ZBTB20: variants seen among roughly 807,000 people sequenced by gnomAD.
ZBTB20 encodes zinc finger and BTB domain-containing protein 20.
In ZBTB20, 9 loss-of-function variants were observed where a neutral mutation model predicts 56.9. That is an observed-to-expected ratio of 0.16 (90% confidence interval 0.10 to 0.28). The LOEUF (loss-of-function observed/expected upper bound fraction) is 0.28, where lower values mean the gene tolerates loss of function less well. Ranked by LOEUF, ZBTB20 falls within the 10% of genes least tolerant of loss-of-function variation. ZBTB20 has a pLI of 1.00. For missense variants in ZBTB20, 655 were observed against 1,003.0 expected, an observed-to-expected ratio of 0.65 and a Z score of 4.69; for synonymous variants, 417 against 420.7, an observed-to-expected ratio of 0.99 and a Z score of 0.11.
intron 6 of ZBTB20, among the ~76,000 whole-genome samples, chr3:114,632,353 A>G (rs1298360230): frequency 6.6e-6 from 1 of 152,154 alleles, no homozygotes; most frequent in African/African-American, 2.4e-5. Flanking sequence ...ACACACATGC[A>G]CACCCCCCTC....
chr3:114,789,358 T>C (rs1380296226), intron 5 of ZBTB20, among the ~76,000 whole-genome samples: 1 of 152,202 alleles, frequency 6.6e-6, no homozygotes, highest in East Asian at 1.9e-4. Context: ...TTGACTTCAC[T>C]GAATTGAAAA....
intron 6 of ZBTB20, among the ~76,000 whole-genome samples, chr3:114,568,351 G>A (rs1284193716): frequency 6.6e-6 from 1 of 152,180 alleles, no homozygotes; most frequent in Non-Finnish European, 1.5e-5. Context: ...CTAAAACCAT[G>A]TGTCTAAAAG....
At chr3:114,658,856 T>G (rs547277850) in intron 6 of ZBTB20, 21 of 152,288 alleles carry the variant, frequency 1.4e-4, no homozygotes, top group African/African-American at 5.1e-4. Flanking sequence ...CCAGACCAAT[T>G]ATCCTGGCAA....
At chr3:114,572,138 T>C (rs1161821151) in intron 6 of ZBTB20, among the ~76,000 whole-genome samples, 1 of 152,200 alleles carries the variant, frequency 6.6e-6, no homozygotes, top group Non-Finnish European at 1.5e-5. Context: ...AGAGACTTAG[T>C]AACTTGTTCT....
At chr3:114,562,010 T>C (rs939930300) in intron 6 of ZBTB20, among the ~76,000 whole-genome samples, 7 of 152,166 alleles carry the variant, frequency 4.6e-5, no homozygotes, top group African/African-American at 1.7e-4. Flanking sequence ...CTTTGCACTT[T>C]TATATTATAG....
At chr3:114,766,744 G>A (rs563085641) in intron 5 of ZBTB20, among the ~76,000 whole-genome samples, 18 of 152,096 alleles carry the variant, frequency 1.2e-4, no homozygotes, top group East Asian at 7.7e-4. Flanking sequence ...TTTAATCTGG[G>A]AGAAGAAAGA....
At chr3:114,502,897 T>G (rs987016956) in intron 6 of ZBTB20, 2 of 152,090 alleles carry the variant, frequency 1.3e-5, no homozygotes, top group African/African-American at 4.8e-5. Flanking sequence ...TATTAGCAAT[T>G]TTCTATGAAA....
chr3:115,094,188 T>C (rs2083297563), intron 1 of ZBTB20, among the ~76,000 whole-genome samples: 1 of 152,038 alleles, frequency 6.6e-6, no homozygotes, highest in South Asian at 2.1e-4. Flanking sequence ...AAAAGTAAGT[T>C]ATTTTTGCCT....
intron 5 of ZBTB20, among the ~76,000 whole-genome samples, chr3:114,748,372 C>CTCTCTCTCTCTCTCTCTCTCTT (rs2067281219): frequency 6.9e-6 from 1 of 145,590 alleles, no homozygotes; most frequent in Admixed American, 6.9e-5. Context: ...CTCTCTCTCT[C>CTCTCTCTCTCTCTCTCTCTCTT]TCTCTCTTTC....
chr3:114,660,346 C>T (rs17681207), intron 6 of ZBTB20, among the ~76,000 whole-genome samples: 5,784 of 152,214 alleles, frequency 0.038, 159 homozygotes, highest in Admixed American at 0.098. Flanking sequence ...TGGGTCACGT[C>T]AGGTCGAATG....
intron 4 of ZBTB20, among the ~76,000 whole-genome samples, chr3:114,870,515 A>G (rs1445862240): frequency 1.3e-5 from 2 of 151,530 alleles, no homozygotes; most frequent in Non-Finnish European, 2.9e-5. Context: ...ACAGAAGTCT[A>G]CTGACTAAAA....
chr3:114,905,456 A>G (rs2107685192), intron 3 of ZBTB20, among the ~76,000 whole-genome samples: 1 of 151,994 alleles, frequency 6.6e-6, no homozygotes, highest in South Asian at 2.1e-4. Flanking sequence ...TGTCTTTTAC[A>G]TAAGACTGTA....
chr3:115,064,934 T>C (rs529246594), intron 2 of ZBTB20, among the ~76,000 whole-genome samples: 1 of 152,176 alleles, frequency 6.6e-6, no homozygotes, highest in African/African-American at 2.4e-5. Context: ...GTGGAATTGC[T>C]TTCACATTTT....
chr3:114,720,157 T>C (rs2108489637), intron 5 of ZBTB20, among the ~76,000 whole-genome samples: 1 of 149,360 alleles, frequency 6.7e-6, no homozygotes, highest in South Asian at 2.1e-4. Context: ...TAGCTTATCA[T>C]ATATTACTTT....
intron 6 of ZBTB20, among the ~76,000 whole-genome samples, chr3:114,672,417 T>C (rs1290356611): frequency 6.6e-6 from 1 of 152,120 alleles, no homozygotes; most frequent in Admixed American, 6.6e-5. Context: ...TGCAAATCCA[T>C]CAGGTACTTG....
chr3:114,725,557 C>T (rs1476338576), intron 5 of ZBTB20, among the ~76,000 whole-genome samples: 1 of 152,262 alleles, frequency 6.6e-6, no homozygotes, highest in East Asian at 1.9e-4. Context: ...ATTTTAAATG[C>T]AATTGATTAC....
At chr3:114,641,860 ACT>A (rs1199293052) in intron 6 of ZBTB20, among the ~76,000 whole-genome samples, 3 of 151,938 alleles carry the variant, frequency 2.0e-5, no homozygotes, top group African/African-American at 2.4e-5. Context: ...TTAAAAAAAG[ACT>A]CTCACTGTTT....
At chr3:114,565,171 G>C (rs1410394214) in intron 6 of ZBTB20, among the ~76,000 whole-genome samples, 1 of 152,086 alleles carries the variant, frequency 6.6e-6, no homozygotes, top group East Asian at 1.9e-4. Flanking sequence ...TTTTAAAAAC[G>C]ATGTTCATTC....
At chr3:114,995,888 C>A (rs2079006275) in intron 2 of ZBTB20, among the ~76,000 whole-genome samples, 1 of 151,814 alleles carries the variant, frequency 6.6e-6, no homozygotes, top group African/African-American at 2.4e-5. Flanking sequence ...GTCACGTATG[C>A]CAGTTCCTCA....
Sources: allele counts gnomAD v4.1 joint callset (sites outside exome capture counted in the v4.1 genomes callset), GRCh38; gene constraint gnomAD v4.1.1; transcripts MANE v1.5; gene names NCBI Gene and HGNC (gene_info 2026-07-23, HGNC 2026-07-21).